CEP70: variants seen among roughly 807,000 people sequenced by gnomAD.
The protein encoded by CEP70 is centrosomal protein of 70 kDa.
Under a neutral mutation model 90.9 loss-of-function variants are expected in CEP70, and 70 were observed. That is an observed-to-expected ratio of 0.77 (90% CI 0.64 to 0.94). The LOEUF is 0.94. Ranked by LOEUF, CEP70 falls within the 40% of genes least tolerant of loss-of-function variation. CEP70 has a pLI of 0.00. For missense variants in CEP70, 648 were observed against 669.0 expected, an observed-to-expected ratio of 0.97 and a Z score of 0.35; for synonymous variants, 220 against 228.3, an observed-to-expected ratio of 0.96 and a Z score of 0.33.
chr3:138,577,941 C>T (rs375160629), intron 2 of CEP70, among the ~76,000 whole-genome samples: 1 of 152,216 alleles, frequency 6.6e-6, no homozygotes, highest in East Asian at 1.9e-4. Context: ...TCTGGGAAGA[C>T]GGCATGGCCA....
chr3:138,537,365 A>G lies in CEP70; in HGVS notation c.466-18T>C. The G allele has an allele frequency of 6.5e-7, 1 of 1,532,604 alleles. No homozygotes were observed. 94.9% of individuals were successfully genotyped at this position (1,532,604 alleles called of 1,614,324 possible). A position where few individuals can be genotyped will look rare whatever the true frequency, so the allele number is the denominator to read the frequency against. On this transcript the variant is annotated intron_variant, in intron 6 of 17. Coordinates refer to ENST00000264982, the MANE Select transcript of CEP70 (RefSeq NM_024491.4). ...CACTTCACCTATAAGATATTTTTTA[A>G]AAACATGATTATGATATGTACATCT...
chr3:138,592,357 C>G (rs1162105902), intron 1 of CEP70, among the ~76,000 whole-genome samples: 1 of 152,166 alleles, frequency 6.6e-6, no homozygotes. Context: ...GTGACCAAGC[C>G]CTCCTTTTCA....
chr3:138,591,788 CAATA>C, intron 2 of CEP70, 62 bp downstream of exon 2: 1 of 1,276,454 alleles, frequency 7.8e-7, no homozygotes, highest in Non-Finnish European at 1.1e-6. Flanking sequence ...GTATAGTACT[CAATA>C]AATATTAGAT....
Position 138,570,510 on chromosome 3 carries a change from G to A in CEP70, c.285-12C>T, listed in dbSNP as rs2041097925. The A allele has an allele frequency of 6.9e-6, 11 of 1,585,062 alleles. No individual in the cohort carries two copies. The highest frequency in any genetic ancestry group is 9.4e-6 in the Non-Finnish European group (11 of 1,168,782). On this transcript the variant is annotated splice_polypyrimidine_tract_variant and intron_variant, in intron 5 of 17. Coordinates refer to ENST00000264982, the MANE Select transcript of CEP70 (RefSeq NM_024491.4). ...GCTGAAGTTCATTTCTAAGTTAATA[G>A]ACATACAATTTCTTCCCTTAGTATT...
chr3:138,552,987 G>A (rs1030831981), intron 6 of CEP70, among the ~76,000 whole-genome samples: 3 of 152,042 alleles, frequency 2.0e-5, no homozygotes, highest in East Asian at 1.9e-4. Context: ...GAAATGAAGC[G>A]GGAGATATTA....
At chr3:138,592,115 A>C (rs1023791228) in intron 1 of CEP70, among the ~76,000 whole-genome samples, 159 bp from the exon 2 acceptor site, 40 of 152,168 alleles carry the variant, frequency 2.6e-4, no homozygotes, top group African/African-American at 8.7e-4. Context: ...CCAGCTCACC[A>C]TCATATGCCT....
chr3:138,538,398 T>C (rs1281566879), intron 6 of CEP70, among the ~76,000 whole-genome samples: 1 of 152,154 alleles, frequency 6.6e-6, no homozygotes, highest in Non-Finnish European at 1.5e-5. Flanking sequence ...CCCAACCTAG[T>C]ACCATCAGCA....
intron 2 of CEP70, among the ~76,000 whole-genome samples, chr3:138,574,623 C>T (rs1000364975): frequency 7.2e-5 from 11 of 152,270 alleles, no homozygotes; most frequent in East Asian, 1.9e-4. Context: ...GCTCTGAGAA[C>T]GGACAGACTG....
intron 6 of CEP70, among the ~76,000 whole-genome samples, chr3:138,558,318 T>C (rs1183183367): frequency 5.7e-4 from 86 of 151,864 alleles, no homozygotes; most frequent in Non-Finnish European, 2.4e-4. Context: ...TGAGCTGAGA[T>C]CACACCACTG....
At chr3:138,564,692 G>A (rs919366558) in intron 6 of CEP70, among the ~76,000 whole-genome samples, 14 of 152,016 alleles carry the variant, frequency 9.2e-5, no homozygotes, top group Non-Finnish European at 1.6e-4. Flanking sequence ...TTGATCGAAC[G>A]TATCTCAAAA....
intron 11 of CEP70, among the ~76,000 whole-genome samples, chr3:138,521,115 TG>T (rs2036578572): frequency 6.6e-6 from 1 of 152,220 alleles, no homozygotes; most frequent in East Asian, 1.9e-4. Flanking sequence ...CAGTGCTCAA[TG>T]CTGCCCAAGC....
Position 138,529,418 on chromosome 3 carries a change from T to G in CEP70, c.737A>C (p.Tyr246Ser). The change falls in exon 9 of 18, where the codon TAC (tyrosine) becomes TCC (serine). Residue 246 changes from tyrosine (Y) to serine (S), a missense_variant. Transcript: ENST00000264982. ...DESQSEEEND[Y>S]RNLDASPTYK... Reference sequence around the variant, plus strand: ...AGTTGGTGAGGCATCCAGATTTCTGTAGTCGTTTTCTTCTTCTGACTGACT... The same window carrying G: ...AGTTGGTGAGGCATCCAGATTTCTGGAGTCGTTTTCTTCTTCTGACTGACT... 1 of 1,612,498 alleles carries G rather than the reference T, an allele frequency of 6.2e-7. No homozygotes were observed. The highest frequency in any genetic ancestry group is 8.5e-7 in the Non-Finnish European group (1 of 1,179,050).
chr3:138,509,015 G>A (rs776370568), intron 11 of CEP70, among the ~76,000 whole-genome samples: 36 of 152,154 alleles, frequency 2.4e-4, no homozygotes, highest in Admixed American at 1.0e-3. Context: ...TTACAGGCGT[G>A]AGCCACCGTG....
chr3:138,527,823 G>A (rs1174629619), intron 10 of CEP70, among the ~76,000 whole-genome samples: 2 of 151,884 alleles, frequency 1.3e-5, no homozygotes, highest in Non-Finnish European at 2.9e-5. Context: ...CAAAGTGCTG[G>A]TATTATAGGT....
intron 2 of CEP70, among the ~76,000 whole-genome samples, chr3:138,591,304 A>C (rs1339355500): frequency 6.6e-6 from 1 of 152,106 alleles, no homozygotes; most frequent in Non-Finnish European, 1.5e-5. Context: ...CAATAAATGA[A>C]TTTTGTGTTT....
intron 2 of CEP70, among the ~76,000 whole-genome samples, chr3:138,578,389 C>T (rs558646978): frequency 2.0e-5 from 3 of 152,220 alleles, no homozygotes; most frequent in South Asian, 2.1e-4. Context: ...TCATTGGTAT[C>T]GCTAATATTC....
intron 6 of CEP70, among the ~76,000 whole-genome samples, chr3:138,539,742 C>T (rs2038593761): frequency 6.6e-6 from 1 of 152,140 alleles, no homozygotes; most frequent in Admixed American, 6.5e-5. Context: ...GGGTAGAAAA[C>T]TTATTCAAAG....
intron 2 of CEP70, among the ~76,000 whole-genome samples, chr3:138,575,240 G>C (rs1191183134): frequency 2.0e-5 from 3 of 152,150 alleles, no homozygotes; most frequent in Non-Finnish European, 4.4e-5. Flanking sequence ...AGAATAAACA[G>C]TGTAAAGAAG....
At chr3:138,535,919 A>T (rs1470494476) in intron 7 of CEP70, among the ~76,000 whole-genome samples, 1 of 151,398 alleles carries the variant, frequency 6.6e-6, no homozygotes, top group Non-Finnish European at 1.5e-5. Context: ...TAACATTTTT[A>T]TGTTTTTTTA....
Sources: gnomAD v4.1 joint callset for allele counts (sites outside exome capture counted in the v4.1 genomes callset) on GRCh38, gnomAD v4.1.1 for gene constraint, MANE v1.5 for transcripts, NCBI Gene and HGNC (gene_info 2026-07-23, HGNC 2026-07-21) for gene names.